The following TMEM273 variants were observed in gnomAD, a reference collection of about 807,000 sequenced individuals.
TMEM273 encodes transmembrane protein 273, also known as chromosome 10 open reading frame 128.
Under a neutral mutation model 17.9 loss-of-function variants are expected in TMEM273, and 19 were observed. The ratio of observed to expected loss-of-function variants is 1.06; its 90% CI spans 0.74 to 1.55. TMEM273 has a LOEUF of 1.55. Ranked by LOEUF, TMEM273 falls within the 40% of genes most tolerant of loss-of-function variation. The pLI is 0.00. For missense variants in TMEM273, 194 were observed against 155.6 expected (o/e 1.25, Z -1.31); for synonymous variants, 66 against 62.0 (o/e 1.07, Z -0.31).
intron 1 of TMEM273, among the ~76,000 whole-genome samples, chr10:49,176,769 C>T (rs890578806): frequency 2.0e-5 from 3 of 152,082 alleles, no homozygotes; most frequent in Admixed American, 2.0e-4. Flanking sequence ...GCACCGGAGC[C>T]CCTTACTAAA....
chr10:49,165,132 C>A, intron 5 of TMEM273, 73 bp downstream of exon 5: 1 of 1,476,668 alleles, frequency 6.8e-7, no homozygotes, highest in Non-Finnish European at 8.9e-7. Context: ...TCAACTAGTG[C>A]AAAGAATTAT....
chr10:49,166,911 C>A lies in TMEM273; in HGVS notation c.196G>T (p.Asp66Tyr), dbSNP rs763388407. Residue 66 changes from aspartate to tyrosine, a missense_variant, in exon 3 of 7, where the codon GAC becomes TAC. Coordinates refer to ENST00000374153, the MANE Select transcript of TMEM273 (RefSeq NM_001288740.3). ...GTGCTTTTCAGGTCGGAAGAGTCGT[C>A]GTCAAATAAGTGCCTCCTGATCATG... ...ICMIRRHLFD[D>Y]DSSDLKSTPG... The A allele has an allele frequency of 6.2e-7, 1 of 1,613,934 alleles. No individual in the cohort carries two copies. The highest frequency in any genetic ancestry group is 1.3e-5 in the African/African-American group (1 of 74,910).
At chr10:49,174,241 G>A (rs751368191) in intron 1 of TMEM273, among the ~76,000 whole-genome samples, 12 of 152,178 alleles carry the variant, frequency 7.9e-5, no homozygotes, top group South Asian at 2.1e-4. Flanking sequence ...GGGTGCTGGC[G>A]GGCCCTGCCC....
At chr10:49,180,475 A>G (rs1564645303) in intron 1 of TMEM273, among the ~76,000 whole-genome samples, 1 of 152,028 alleles carries the variant, frequency 6.6e-6, no homozygotes, top group Non-Finnish European at 1.5e-5. Context: ...GTCAGGCTCC[A>G]CCCCCCTAGC....
intron 6 of TMEM273, chr10:49,156,397 T>C (rs894630675): frequency 5.7e-6 from 4 of 703,492 alleles, no homozygotes; most frequent in African/African-American, 1.9e-5. Context: ...AAGGGCAGCA[T>C]AGGTGTCTAA....
At chr10:49,178,609 T>A (rs1351445421) in intron 1 of TMEM273, among the ~76,000 whole-genome samples, 1 of 152,164 alleles carries the variant, frequency 6.6e-6, no homozygotes. Flanking sequence ...AACACTTTAG[T>A]ACTTGCTGGC....
At position 49,185,540 on chromosome 10, in the gene TMEM273, A is replaced by G. The variant is rs1393686667; in HGVS notation, c.43+2754T>C. On this transcript the variant is annotated intron_variant, in intron 1 of 6. Transcript: ENST00000374153. ...CTCCAGTCAATAAAGGGGAAGCCCA[A>G]CGTTTCCTTCATTTGCTTTCAACAG... Among the ~76,000 whole-genome samples, 3 of 152,322 alleles carry G rather than the reference A, an allele frequency of 2.0e-5. No individual in the cohort carries two copies. In the East Asian group the frequency reaches 5.8e-4, roughly 29 times the overall value.
At position 49,165,204 on chromosome 10, in the gene TMEM273, C is replaced by T. The variant is rs183529023; in HGVS notation, c.348+1G>A. 1.9e-6 allele frequency: 3 copies of T among 1,548,966 alleles called. No individual in the cohort carries two copies. The highest frequency in any genetic ancestry group is 2.4e-5 in the East Asian group (1 of 40,876). ...TGGCTGGAGTCGAGAGGGGATTGTA[C>T]CTTAAATAGGCCCTCCATGATGCAG... On this transcript the variant is annotated splice_donor_variant, in intron 5 of 6. Coordinates refer to ENST00000374153, the MANE Select transcript of TMEM273 (RefSeq NM_001288740.3). LOFTEE classifies it high-confidence loss of function.
In TMEM273 at chr10:49,166,851, G is replaced by A. The variant is rs201390376; in HGVS notation, c.238+18C>T. 86 of 1,612,762 alleles carry A rather than the reference G, an allele frequency of 5.3e-5. No homozygotes were observed. The African/African-American group carries it at 6.9e-4, about 13-fold the overall frequency. ...CGCTGGGTGGGGCAGAGCCAGGCCC[G>A]AGCACCACATCCCTCACCACTGAGG... On this transcript the variant is annotated intron_variant, in intron 3 of 6. Transcript: ENST00000374153.
chr10:49,172,426 G>A (rs980707090), intron 1 of TMEM273, among the ~76,000 whole-genome samples: 1 of 152,180 alleles, frequency 6.6e-6, no homozygotes, highest in South Asian at 2.1e-4. Flanking sequence ...TGCAGAGTGG[G>A]CACTGGTGCA....
intron 1 of TMEM273, among the ~76,000 whole-genome samples, chr10:49,184,688 G>A (rs1480619319): frequency 1.3e-5 from 2 of 152,212 alleles, no homozygotes; most frequent in East Asian, 3.9e-4. Flanking sequence ...ACCCCCTGGT[G>A]GAGAGCAATT....
Position 49,156,232 on chromosome 10 carries a change from G to A in TMEM273, c.373-323C>T, listed in dbSNP as rs267602505. On this transcript the variant is annotated intron_variant, in intron 6 of 6. Coordinates refer to ENST00000374153, the MANE Select transcript of TMEM273 (RefSeq NM_001288740.3). ...GGGAAACTTTTCACTTTCTGTAGTT[G>A]GTGAATTTGCACAGATCTGGCCAGA... is the stretch of plus-strand genomic sequence containing the variant. The A allele has an allele frequency of 5.1e-6, 7 of 1,379,242 alleles. No homozygotes were observed. In the Admixed American group the frequency reaches 1.1e-4, roughly 22 times the overall value. 85.4% of individuals were successfully genotyped at this position (1,379,242 alleles called of 1,614,324 possible).
intron 1 of TMEM273, among the ~76,000 whole-genome samples, chr10:49,185,064 G>C (rs185602351): frequency 2.9e-4 from 44 of 152,174 alleles, no homozygotes; most frequent in African/African-American, 1.1e-3. Context: ...CTCTCCCTCT[G>C]GGGAGGGAGG....
chr10:49,171,107 AAGG>A (rs1270053904), intron 1 of TMEM273, among the ~76,000 whole-genome samples: 2 of 152,228 alleles, frequency 1.3e-5, no homozygotes, highest in African/African-American at 2.4e-5. Context: ...CTCATGCAAG[AAGG>A]AGGAGGGAGC....
chr10:49,156,360 C>G (rs1334117125), intron 6 of TMEM273: 2 of 1,047,008 alleles, frequency 1.9e-6, no homozygotes, highest in Admixed American at 5.8e-5. Flanking sequence ...CTTCTCTGTG[C>G]TTGGTGTACC....
At chr10:49,176,767 G>A (rs1847003724) in intron 1 of TMEM273, among the ~76,000 whole-genome samples, 1 of 152,118 alleles carries the variant, frequency 6.6e-6, no homozygotes, top group South Asian at 2.1e-4. Flanking sequence ...CTGCACCGGA[G>A]CCCCTTACTA....
rs780644410 is a variant in TMEM273 at position 49,155,856 on chromosome 10, C to A, written c.*36G>T. On this transcript the variant is annotated 3_prime_UTR_variant, in exon 7 of 7. Coordinates refer to ENST00000374153, the MANE Select transcript of TMEM273 (RefSeq NM_001288740.3). ...TAACCATGGGCTGTTTTCCACGGGGCTAGAACCCCTCTTCACGTCACTGCT... is the reference window on the plus strand; with the variant it reads ...TAACCATGGGCTGTTTTCCACGGGGATAGAACCCCTCTTCACGTCACTGCT... The A allele has an allele frequency of 1.2e-6, 2 of 1,614,128 alleles. No individual in the cohort carries two copies. Among genetic ancestry groups the A allele is most frequent in the East Asian group, 4.5e-5 (2 of 44,892 alleles).
At chr10:49,169,071 G>C (rs1342616120) in intron 1 of TMEM273, among the ~76,000 whole-genome samples, 1 of 152,202 alleles carries the variant, frequency 6.6e-6, no homozygotes, top group East Asian at 1.9e-4. Context: ...TTTGCACTGA[G>C]AGTCCAGGAA....
At chr10:49,166,143 A>G (rs955673692) in intron 3 of TMEM273, among the ~76,000 whole-genome samples, 12 of 152,094 alleles carry the variant, frequency 7.9e-5, no homozygotes, top group Non-Finnish European at 1.5e-4. Flanking sequence ...GTGAGGCTCT[A>G]TTCTCCCCAG....
Sources: allele counts gnomAD v4.1 joint callset (sites outside exome capture counted in the v4.1 genomes callset), GRCh38; gene constraint gnomAD v4.1.1; transcripts MANE v1.5; gene names NCBI Gene and HGNC (gene_info 2026-07-23, HGNC 2026-07-21).